The following TOP2B variants were observed in gnomAD, a reference collection of about 807,000 sequenced individuals.
TOP2B encodes the protein DNA topoisomerase II beta, also known as DNA topoisomerase 2-beta.
A neutral mutation model predicts 193.5 loss-of-function variants in TOP2B; 51 were observed. That is an observed-to-expected ratio of 0.26 (90% CI 0.21 to 0.33). The LOEUF (loss-of-function observed/expected upper bound fraction) is 0.33. Among genes scored for constraint, TOP2B ranks in the 10% least tolerant of loss-of-function variants. The pLI is 1.00. For missense variants in TOP2B, 1,378 were observed against 1,909.3 expected (o/e 0.72, Z 5.19); for synonymous variants, 634 against 635.7 (o/e 1.00, Z 0.04).
intron 25 of TOP2B, among the ~76,000 whole-genome samples, chr3:25,617,461 AAT>A (rs1702534290): frequency 6.6e-6 from 1 of 152,174 alleles, no homozygotes; most frequent in African/African-American, 2.4e-5. Flanking sequence ...TACTCACTTT[AAT>A]ATATGACTTT....
At chr3:25,620,152 C>G in intron 22 of TOP2B, 90 bp from the exon 23 acceptor site, 1 of 849,016 alleles carries the variant, frequency 1.2e-6, no homozygotes, top group African/African-American at 1.7e-5. Context: ...ATTCTCAACT[C>G]TCATGGGGAA....
intron 28 of TOP2B, among the ~76,000 whole-genome samples, chr3:25,612,285 T>A (rs1453823677): frequency 6.6e-6 from 1 of 152,162 alleles, no homozygotes; most frequent in Non-Finnish European, 1.5e-5. Flanking sequence ...GTGGAGTGTT[T>A]CTATTTCTCA....
chr3:25,616,007 T>C (rs1702494722), intron 25 of TOP2B: 1 of 152,366 alleles, frequency 6.6e-6, no homozygotes, highest in Non-Finnish European at 1.5e-5. Flanking sequence ...GAAAATTATT[T>C]TACAGTTATA....
At chr3:25,642,294 T>C (rs1375013690) in intron 4 of TOP2B, 28 bp downstream of exon 4, 7 of 1,400,408 alleles carry the variant, frequency 5.0e-6, no homozygotes, top group Non-Finnish European at 6.9e-6. Flanking sequence ...AAACTTAGCA[T>C]AAAAAATTAA....
chr3:25,628,312 C>T (rs1414044751), intron 15 of TOP2B, among the ~76,000 whole-genome samples: 2 of 151,482 alleles, frequency 1.3e-5, no homozygotes, highest in East Asian at 3.9e-4. Flanking sequence ...CCCATCTCTA[C>T]AAAAATACAA....
At chr3:25,605,921 G>T in intron 32 of TOP2B, 122 bp downstream of exon 32, 1 of 499,454 alleles carries the variant, frequency 2.0e-6, no homozygotes, top group Non-Finnish European at 3.4e-6. Flanking sequence ...AATATAAAAA[G>T]GAAGTTTTCT....
Position 25,638,247 on chromosome 3 carries a change from T to C in TOP2B, c.459A>G (p.Val153=), listed in dbSNP as rs60422476. The C allele has an allele frequency of 0.29, 433,529 of 1,520,018 alleles. 62,273 individuals are homozygous for C. The highest frequency in any genetic ancestry group is 0.42 in the African/African-American group (29,218 of 70,360). 94.2% of individuals were successfully genotyped at this position (1,520,018 alleles called of 1,614,324 possible). ...TTAAAGCAGGAACATAAACTTTCTC[T>C]ACCTTGTGTTCTACTACTGGAATGC... ...GKGIPVVEHK[V]EKVYVPALIF... The change falls in exon 5 of 36, where the codon GTA becomes GTG. Residue 153 remains valine (V), a synonymous_variant. Transcript: ENST00000264331.
intron 13 of TOP2B, among the ~76,000 whole-genome samples, 176 bp from the exon 14 acceptor site, chr3:25,629,321 T>C (rs77757571): frequency 0.016 from 2,434 of 152,216 alleles, 89 homozygotes; most frequent in Admixed American, 0.092. Flanking sequence ...ATAAAGAATA[T>C]AGTAGTAATA....
At chr3:25,604,396 C>T (rs1363298225) in intron 33 of TOP2B, among the ~76,000 whole-genome samples, 1 of 152,176 alleles carries the variant, frequency 6.6e-6, no homozygotes, top group East Asian at 1.9e-4. Context: ...CTCAACTGAG[C>T]TGACCAATCC....
At chr3:25,603,525 G>A (rs1702160697) in intron 33 of TOP2B, among the ~76,000 whole-genome samples, 1 of 152,146 alleles carries the variant, frequency 6.6e-6, no homozygotes, top group Non-Finnish European at 1.5e-5. Flanking sequence ...TTACAGGTGT[G>A]AGCCACTGCG....
intron 1 of TOP2B, among the ~76,000 whole-genome samples, chr3:25,660,304 C>CTGAA (rs1196747384): frequency 6.6e-6 from 1 of 152,130 alleles, no homozygotes; most frequent in Non-Finnish European, 1.5e-5. Context: ...GTTTAACACT[C>CTGAA]TGAAGGACAT....
At position 25,664,467 on chromosome 3, in the gene TOP2B, G is replaced by A. The variant is rs1193838603; in HGVS notation, c.-170C>T. The A allele has an allele frequency of 1.4e-5, 17 of 1,210,768 alleles. No individual in the cohort carries two copies. The highest frequency in any genetic ancestry group is 3.8e-5 in the South Asian group (1 of 26,256). The allele number at this position is 1,210,768 out of a possible 1,614,324, so 75.0% of individuals were successfully genotyped here. ...CCGGAGCGGACGTCCAGCCGAGCCC[G>A]CTGAGGAGGCCGCGCCGCCGGCTGC... On this transcript the variant is annotated 5_prime_UTR_variant, in exon 1 of 36. Transcript: ENST00000264331.
Position 25,619,930 on chromosome 3 carries a change from C to T in TOP2B, c.2995G>A (p.Ala999Thr). 6.2e-7 allele frequency: 1 copy of T among 1,613,242 alleles called. No individual in the cohort carries two copies. Among genetic ancestry groups the T allele is most frequent in the Non-Finnish European group, 8.5e-7 (1 of 1,179,692 alleles). ...TGCAGTCCAGCAGCTTCTGCTTGTG[C>T]TAGTTTCTCTTCAGTCATTTTCACC... is the stretch of plus-strand genomic sequence containing the variant. ...FVVKMTEEKLAQAEAAGLHKV... is the reference protein window; with the variant it reads ...FVVKMTEEKLTQAEAAGLHKV... The change falls in exon 23 of 36, where the codon GCA becomes ACA. Residue 999 changes from alanine to threonine, a missense_variant. By Grantham distance (58) the Ala-to-Thr change is moderately conservative. Around this residue, in one of 9 missense-constraint regions of TOP2B, gnomAD observed 379 missense variants for 615.1 expected, o/e 0.62. Coordinates refer to ENST00000264331, the MANE Select transcript of TOP2B (RefSeq NM_001330700.2).
Position 25,645,369 on chromosome 3 carries a change from C to T in TOP2B, c.171G>A (p.Lys57=). The change falls in exon 2 of 36, where the codon AAG becomes AAA. Residue 57 remains lysine (K), a synonymous_variant. Transcript: ENST00000264331. ...KKLSVERVYQ[K]KTQLEHILLR... is the part of the protein sequence containing the mutation. ...GAAGAATGTGTTCAAGTTGTGTCTT[C>T]TTCTGATACACTCTCTCAACAGACA... 6.2e-7 allele frequency: 1 copy of T among 1,613,630 alleles called. No individual in the cohort carries two copies. The highest frequency in any genetic ancestry group is 8.5e-7 in the Non-Finnish European group (1 of 1,179,730).
At chr3:25,656,425 C>G (rs905208575) in intron 1 of TOP2B, among the ~76,000 whole-genome samples, 1 of 151,886 alleles carries the variant, frequency 6.6e-6, no homozygotes, top group East Asian at 1.9e-4. Context: ...TGATAGCAAG[C>G]CTCCATCACA....
chr3:25,639,160 C>T (rs748218007), intron 4 of TOP2B, among the ~76,000 whole-genome samples: 6 of 151,814 alleles, frequency 4.0e-5, no homozygotes, highest in African/African-American at 7.3e-5. Context: ...ACTATGATTC[C>T]GTTTGTTAAA....
chr3:25,603,087 T>C (rs1702148301), intron 33 of TOP2B, among the ~76,000 whole-genome samples: 1 of 152,072 alleles, frequency 6.6e-6, no homozygotes, highest in Admixed American at 6.5e-5. Flanking sequence ...TAATCTAGCT[T>C]TTTGGTCATG....
intron 15 of TOP2B, among the ~76,000 whole-genome samples, chr3:25,627,917 C>G (rs1396298562): frequency 6.6e-6 from 1 of 151,628 alleles, no homozygotes; most frequent in Non-Finnish European, 1.5e-5. Context: ...TACAAATAGC[C>G]AGGCATAGTG....
At chr3:25,600,476 T>A (rs1377885406) in intron 34 of TOP2B, among the ~76,000 whole-genome samples, 1 of 152,230 alleles carries the variant, frequency 6.6e-6, no homozygotes, top group East Asian at 1.9e-4. Flanking sequence ...CCTGTAGGTC[T>A]ACAGCTCCTT....
Sources: allele counts gnomAD v4.1 joint callset (sites outside exome capture counted in the v4.1 genomes callset), GRCh38; gene constraint gnomAD v4.1.1; regional missense constraint gnomAD v4.1.1; transcripts MANE v1.5; gene names NCBI Gene and HGNC (gene_info 2026-07-23, HGNC 2026-07-21).